Variants in NTNG1 observed in about 807,000 individuals in gnomAD.
The protein encoded by NTNG1 is netrin-G1.
A neutral mutation model predicts 54.0 loss-of-function variants in NTNG1; 16 were observed. The ratio of observed to expected loss-of-function variants is 0.30; its 90% CI spans 0.20 to 0.45. The LOEUF is 0.45. NTNG1 is among the 20% of genes least tolerant of loss of function. The pLI is 1.00. For synonymous variants in NTNG1, 255 were observed against 263.1 expected (o/e 0.97, Z 0.30); for missense variants, 530 against 678.7 (o/e 0.78, Z 2.43).
intron 2 of NTNG1, among the ~76,000 whole-genome samples, chr1:107,310,696 G>C (rs1162612482): frequency 6.6e-6 from 1 of 152,046 alleles, no homozygotes; most frequent in Non-Finnish European, 1.5e-5. Flanking sequence ...TGCAAATGCT[G>C]AAAATAGAAA....
At chr1:107,234,377 C>T (rs1661266828) in intron 2 of NTNG1, among the ~76,000 whole-genome samples, 1 of 152,174 alleles carries the variant, frequency 6.6e-6, no homozygotes, top group Non-Finnish European at 1.5e-5. Context: ...CCCACCTCAG[C>T]CTCCCAAAGT....
intron 2 of NTNG1, among the ~76,000 whole-genome samples, chr1:107,239,434 T>A (rs896820318): frequency 6.6e-6 from 1 of 152,216 alleles, no homozygotes; most frequent in Non-Finnish European, 1.5e-5. Context: ...TCCACATTGT[T>A]CTACCATTTT....
At chr1:107,350,402 T>C (rs1189379534) in intron 3 of NTNG1, among the ~76,000 whole-genome samples, 1 of 152,208 alleles carries the variant, frequency 6.6e-6, no homozygotes, top group Non-Finnish European at 1.5e-5. Context: ...TATCCATAGT[T>C]GTCTTTATGA....
intron 7 of NTNG1, among the ~76,000 whole-genome samples, chr1:107,464,043 G>A (rs1677444323): frequency 6.6e-6 from 1 of 152,148 alleles, no homozygotes; most frequent in Non-Finnish European, 1.5e-5. Flanking sequence ...CAGTATTCAA[G>A]TCTGATGTAA....
At chr1:107,304,444 A>G (rs1666538160) in intron 2 of NTNG1, among the ~76,000 whole-genome samples, 1 of 152,316 alleles carries the variant, frequency 6.6e-6, no homozygotes, top group East Asian at 1.9e-4. Flanking sequence ...TCCTTTCTAT[A>G]GAAGAGCTCA....
intron 2 of NTNG1, among the ~76,000 whole-genome samples, chr1:107,251,696 T>C (rs1475693922): frequency 6.6e-6 from 1 of 152,144 alleles, no homozygotes; most frequent in African/African-American, 2.4e-5. Flanking sequence ...ACTTCACTAC[T>C]TAGAATTCTC....
intron 2 of NTNG1, among the ~76,000 whole-genome samples, chr1:107,314,213 G>A (rs570930553): frequency 3.9e-5 from 6 of 152,030 alleles, no homozygotes; most frequent in African/African-American, 1.4e-4. Flanking sequence ...GACCATCCTG[G>A]CCAACATAGT....
intron 2 of NTNG1, among the ~76,000 whole-genome samples, chr1:107,280,850 T>A (rs1428987831): frequency 6.8e-6 from 1 of 146,060 alleles, no homozygotes; most frequent in Non-Finnish European, 1.5e-5. Context: ...AACAGTCCTC[T>A]GACTTATTTT....
chr1:107,336,519 G>A (rs1019145873), intron 3 of NTNG1, among the ~76,000 whole-genome samples: 2 of 151,706 alleles, frequency 1.3e-5, no homozygotes, highest in Non-Finnish European at 2.9e-5. Flanking sequence ...ACTATGAAAT[G>A]TTTAGAAAAA....
intron 7 of NTNG1, among the ~76,000 whole-genome samples, chr1:107,469,197 G>T (rs985461626): frequency 6.6e-6 from 1 of 151,518 alleles, no homozygotes; most frequent in African/African-American, 2.4e-5. Context: ...TTCCCCAAGT[G>T]TATATTGTTT....
chr1:107,298,804 T>C (rs1453619257), intron 2 of NTNG1, among the ~76,000 whole-genome samples: 4 of 152,126 alleles, frequency 2.6e-5, no homozygotes, highest in Non-Finnish European at 5.9e-5. Flanking sequence ...AAATGAACCA[T>C]TTCAGCATGA....
chr1:107,322,901 T>C (rs777668059), intron 2 of NTNG1, among the ~76,000 whole-genome samples: 6 of 152,000 alleles, frequency 3.9e-5, no homozygotes, highest in Non-Finnish European at 5.9e-5. Flanking sequence ...TTCGGTTACA[T>C]TAATGGGAAA....
At chr1:107,458,685 A>G (rs11802147) in intron 7 of NTNG1, among the ~76,000 whole-genome samples, 39,236 of 151,920 alleles carry the variant, frequency 0.26, 5,767 homozygotes, top group East Asian at 0.31. Flanking sequence ...AACTCAGGAA[A>G]AGAAGAAGAA....
chr1:107,157,578 C>G (rs1655094325), intron 2 of NTNG1, among the ~76,000 whole-genome samples: 1 of 152,084 alleles, frequency 6.6e-6, no homozygotes, highest in African/African-American at 2.4e-5. Context: ...CTTATTCCCA[C>G]CATCTGTTTT....
chr1:107,248,105 G>GA (rs1459853570), intron 2 of NTNG1, among the ~76,000 whole-genome samples: 2 of 152,082 alleles, frequency 1.3e-5, no homozygotes, highest in Non-Finnish European at 2.9e-5. Context: ...TATTTAAATG[G>GA]AAAATGCCAC....
chr1:107,330,569 G>A (rs1338152218), intron 3 of NTNG1, among the ~76,000 whole-genome samples: 1 of 152,014 alleles, frequency 6.6e-6, no homozygotes, highest in African/African-American at 2.4e-5. Context: ...TTGGATGGTG[G>A]GGCCAAAACT....
chr1:107,172,770 C>T (rs1040223228), intron 2 of NTNG1, among the ~76,000 whole-genome samples: 4 of 152,148 alleles, frequency 2.6e-5, no homozygotes, highest in African/African-American at 7.2e-5. Context: ...TCACTAGGGA[C>T]TCTCATAAAT....
chr1:107,257,482 TTC>T (rs1170346827), intron 2 of NTNG1, among the ~76,000 whole-genome samples: 1 of 152,246 alleles, frequency 6.6e-6, no homozygotes, highest in African/African-American at 2.4e-5. Context: ...GAGGATTTAC[TTC>T]TTTTTTCTTT....
intron 5 of NTNG1, among the ~76,000 whole-genome samples, chr1:107,412,131 C>G (rs1673855905): frequency 6.6e-6 from 1 of 150,994 alleles, no homozygotes; most frequent in Non-Finnish European, 1.5e-5. Flanking sequence ...GCTGATATCT[C>G]TGCCTTTGCC....
Sources: gnomAD v4.1 joint callset for allele counts (sites outside exome capture counted in the v4.1 genomes callset) on GRCh38, gnomAD v4.1.1 for gene constraint, MANE v1.5 for transcripts, NCBI Gene and HGNC (gene_info 2026-07-23, HGNC 2026-07-21) for gene names.